Variants in ZC3H6 observed in about 807,000 individuals in gnomAD.
ZC3H6 encodes zinc finger CCCH-type containing 6.
A neutral mutation model predicts 107.7 loss-of-function variants in ZC3H6; 40 were observed. The observed-to-expected ratio is 0.37, with a 90% CI of 0.29 to 0.48. The LOEUF (loss-of-function observed/expected upper bound fraction) is 0.48. ZC3H6 is among the 20% of genes least tolerant of loss of function. The pLI, the probability that ZC3H6 is intolerant of heterozygous loss-of-function variation, is 0.98. For missense variants in ZC3H6, 1,267 were observed against 1,410.4 expected (o/e 0.90, Z 1.63); for synonymous variants, 493 against 487.9 (o/e 1.01, Z -0.14).
rs1277449713 is a variant in ZC3H6 at position 112,295,674 on chromosome 2, G to A, written c.33-4175G>A. Among the ~76,000 whole-genome samples the A allele has an allele frequency of 3.3e-5, 5 of 151,858 alleles. No homozygotes were observed. The South Asian group carries it at 8.3e-4, about 25-fold the overall frequency. Reference sequence around the variant, plus strand: ...TTTTTCTCTATTTCCTCTTTCTCTCGCATTTTTTGTAGCCATACAAAAATA... The same window carrying A: ...TTTTTCTCTATTTCCTCTTTCTCTCACATTTTTTGTAGCCATACAAAAATA... On this transcript the variant is annotated intron_variant, in intron 1 of 11. Transcript: ENST00000409871.
chr2:112,285,164 T>C (rs1686583726), intron 1 of ZC3H6, among the ~76,000 whole-genome samples: 1 of 152,182 alleles, frequency 6.6e-6, no homozygotes, highest in South Asian at 2.1e-4. Context: ...TATTTGCCTA[T>C]TTGAAAATTG....
intron 1 of ZC3H6, among the ~76,000 whole-genome samples, chr2:112,292,339 C>T (rs1218078919): frequency 6.6e-6 from 1 of 152,212 alleles, no homozygotes; most frequent in African/African-American, 2.4e-5. Flanking sequence ...TGGCATTTGG[C>T]CTGACTGAAT....
At chr2:112,327,375 T>G (rs778922001) in intron 11 of ZC3H6, among the ~76,000 whole-genome samples, 1 of 152,338 alleles carries the variant, frequency 6.6e-6, no homozygotes, top group African/African-American at 2.4e-5. Context: ...GATTATTGAT[T>G]TTTTCCTATA....
chr2:112,295,264 A>G (rs928733215), intron 1 of ZC3H6, among the ~76,000 whole-genome samples: 3 of 152,188 alleles, frequency 2.0e-5, no homozygotes, highest in Non-Finnish European at 4.4e-5. Context: ...TTGTGTTTAT[A>G]TTAATAAAAC....
chr2:112,306,253 A>G (rs895297181), intron 3 of ZC3H6, among the ~76,000 whole-genome samples: 2 of 150,088 alleles, frequency 1.3e-5, no homozygotes, highest in African/African-American at 4.9e-5. Flanking sequence ...GCTCACTGCA[A>G]CCTCTGCTTC....
intron 1 of ZC3H6, among the ~76,000 whole-genome samples, chr2:112,288,363 T>C (rs1246486095): frequency 6.6e-6 from 1 of 152,226 alleles, no homozygotes; most frequent in African/African-American, 2.4e-5. Flanking sequence ...GTAATTCTAT[T>C]CAGATATGTA....
intron 1 of ZC3H6, among the ~76,000 whole-genome samples, chr2:112,279,591 A>G (rs1686491963): frequency 6.6e-6 from 1 of 152,098 alleles, no homozygotes; most frequent in South Asian, 2.1e-4. Context: ...CCTGTACTAC[A>G]AGAACAACAA....
chr2:112,303,806 T>C (rs972239357), intron 3 of ZC3H6, among the ~76,000 whole-genome samples: 2 of 152,224 alleles, frequency 1.3e-5, no homozygotes, highest in African/African-American at 4.8e-5. Flanking sequence ...GACACGTGGG[T>C]GTTCATGAAA....
Position 112,331,234 on chromosome 2 carries a change from T to G in ZC3H6, c.2316T>G (p.Ser772=). The G allele has an allele frequency of 1.2e-6, 2 of 1,613,664 alleles. No homozygotes were observed. The highest frequency in any genetic ancestry group is 1.7e-6 in the Non-Finnish European group (2 of 1,179,820). ...TIPRQDIRKP[S]ESAPLDLRLA... is the part of the protein sequence containing the mutation. The stretch of plus-strand genomic sequence containing the variant: ...CAAGGCAAGACATTAGAAAGCCTTC[T>G]GAGTCTGCCCCACTGGATCTTAGAC... Residue 772 remains serine (S), a synonymous_variant, in exon 12 of 12, where the codon TCT becomes TCG. Transcript: ENST00000409871.
At chr2:112,305,102 T>C (rs769417695) in intron 3 of ZC3H6, among the ~76,000 whole-genome samples, 18 of 152,210 alleles carry the variant, frequency 1.2e-4, no homozygotes, top group Non-Finnish European at 2.2e-4. Context: ...AACTGTTCAT[T>C]AAAAATATTT....
intron 10 of ZC3H6, 77 bp downstream of exon 10, chr2:112,324,740 CG>C (rs1676876249): frequency 7.3e-7 from 1 of 1,374,104 alleles, no homozygotes; most frequent in African/African-American, 1.5e-5. Context: ...ATGACAGAAA[CG>C]TAAGTTTTAA....
At chr2:112,288,361 A>C (rs1190590378) in intron 1 of ZC3H6, among the ~76,000 whole-genome samples, 3 of 152,214 alleles carry the variant, frequency 2.0e-5, no homozygotes, top group Non-Finnish European at 2.9e-5. Context: ...TAGTAATTCT[A>C]TTCAGATATG....
chr2:112,303,258 G>A lies in ZC3H6; in HGVS notation c.243G>A (p.Ser81=), dbSNP rs895969310. The A allele has an allele frequency of 1.1e-5, 17 of 1,611,368 alleles. No homozygotes were observed. In the African/African-American group the frequency reaches 1.2e-4, roughly 11 times the overall value. ...KHNSPSSDDS[S]DYSLDSDVEH... is the part of the protein sequence containing the mutation. ...ATTCCCCATCTAGTGATGATAGTTC[G>A]GACTACAGCCTTGATTCAGATGTTG... Residue 81 remains serine (S), a synonymous_variant, in exon 3 of 12, where the codon TCG becomes TCA. Transcript: ENST00000409871.
At chr2:112,286,774 A>G in intron 1 of ZC3H6, among the ~76,000 whole-genome samples, 1 of 152,186 alleles carries the variant, frequency 6.6e-6, no homozygotes, top group Admixed American at 6.5e-5. Context: ...ATGGTAACTG[A>G]ATGATCATGC....
intron 1 of ZC3H6, among the ~76,000 whole-genome samples, chr2:112,296,187 CCTT>C (rs1487442995): frequency 6.6e-6 from 1 of 152,026 alleles, no homozygotes; most frequent in East Asian, 1.9e-4. Context: ...CCTTAATACC[CCTT>C]TTTTTGTCAC....
rs532443613 is a variant in ZC3H6, at chr2:112,289,062, C to CT, written c.33-10775dup. Among the ~76,000 whole-genome samples the CT allele has an allele frequency of 1.4e-3, 172 of 125,348 alleles. 1 individual carries two copies. The highest frequency in any genetic ancestry group is 3.7e-3 in the African/African-American group (130 of 34,824). 82.2% of individuals were successfully genotyped at this position (125,348 alleles called of 152,430 possible). A position where few individuals can be genotyped will look rare whatever the true frequency, so the allele number is the denominator to read the frequency against. On this transcript the variant is annotated intron_variant, in intron 1 of 11. Coordinates refer to ENST00000409871, the MANE Select transcript of ZC3H6 (RefSeq NM_198581.3). ...AACCACTCTTTTTTTTCTTTTTTTT[C>CT]TTTTTTTTTTTTGAGACAGAATCCC...
At chr2:112,293,393 G>A in intron 1 of ZC3H6, among the ~76,000 whole-genome samples, 1 of 152,086 alleles carries the variant, frequency 6.6e-6, no homozygotes, top group East Asian at 1.9e-4. Flanking sequence ...AATTTCAGAG[G>A]GTGTAAGAAT....
Position 112,303,553 on chromosome 2 carries a change from C to T in ZC3H6, c.336+202C>T, listed in dbSNP as rs544096520. ...AGCAATAACATCTCGTTTTCCCCTGCCCCCAGCCCCTGAAAACCACTATTC... is the reference window on the plus strand; with the variant it reads ...AGCAATAACATCTCGTTTTCCCCTGTCCCCAGCCCCTGAAAACCACTATTC... On this transcript the variant is annotated intron_variant, in intron 3 of 11. Coordinates refer to ENST00000409871, the MANE Select transcript of ZC3H6 (RefSeq NM_198581.3). Among the ~76,000 whole-genome samples, 6 of 152,214 alleles carry T rather than the reference C, an allele frequency of 3.9e-5. No individual in the cohort carries two copies. In the East Asian group the frequency reaches 7.7e-4, roughly 20 times the overall value.
At chr2:112,287,411 T>C (rs898169215) in intron 1 of ZC3H6, among the ~76,000 whole-genome samples, 1 of 152,220 alleles carries the variant, frequency 6.6e-6, no homozygotes, top group African/African-American at 2.4e-5. Flanking sequence ...TCTCTGCTTA[T>C]GACATAAAGT....
Sources: allele counts gnomAD v4.1 joint callset (sites outside exome capture counted in the v4.1 genomes callset), GRCh38; gene constraint gnomAD v4.1.1; transcripts MANE v1.5; gene names NCBI Gene and HGNC (gene_info 2026-07-23, HGNC 2026-07-21).